ANO2: variants seen among roughly 807,000 people sequenced by gnomAD.
The protein encoded by ANO2 is anoctamin 2.
ANO2 carries 101 observed loss-of-function variants against 124.2 expected under a neutral mutation model. The observed-to-expected ratio is 0.81, with a 90% CI of 0.69 to 0.96. The LOEUF (loss-of-function observed/expected upper bound fraction) is 0.96. ANO2 is among the 40% of genes least tolerant of loss of function. The pLI is 0.00. For missense variants in ANO2, 1,293 were observed against 1,274.5 expected (o/e 1.01, Z -0.22); for synonymous variants, 486 against 482.5 (o/e 1.01, Z -0.09).
intron 7 of ANO2, among the ~76,000 whole-genome samples, chr12:5,818,015 A>C (rs1232239162): frequency 1.3e-5 from 2 of 152,204 alleles, no homozygotes; most frequent in Non-Finnish European, 2.9e-5. Flanking sequence ...AGGTGCAGTA[A>C]AGAAGGCTTG....
At chr12:5,692,130 G>A (rs892777202) in intron 14 of ANO2, among the ~76,000 whole-genome samples, 43 of 152,306 alleles carry the variant, frequency 2.8e-4, no homozygotes, top group African/African-American at 1.0e-3. Context: ...ACAGCAGGCA[G>A]GCGGATGATG....
intron 16 of ANO2, among the ~76,000 whole-genome samples, chr12:5,630,153 G>A (rs544794915): frequency 1.3e-5 from 2 of 152,302 alleles, no homozygotes; most frequent in African/African-American, 4.8e-5. Flanking sequence ...ACTTACTGGG[G>A]TTATTGACAC....
At chr12:5,868,255 G>T (rs1955483080) in intron 3 of ANO2, among the ~76,000 whole-genome samples, 1 of 152,080 alleles carries the variant, frequency 6.6e-6, no homozygotes, top group African/African-American at 2.4e-5. Flanking sequence ...CATTAGCTTA[G>T]AGTGTTCTGG....
In ANO2 at chr12:5,827,802, G is replaced by A. The variant is rs1214934107; in HGVS notation, c.859C>T (p.Arg287Cys). The A allele has an allele frequency of 5.6e-6, 9 of 1,611,388 alleles. No homozygotes were observed. In the African/African-American group the frequency reaches 1.1e-4, roughly 19 times the overall value. ...RSRIVHEILKRTACSRANNTM... is the reference protein window; with the variant it reads ...RSRIVHEILKCTACSRANNTM... ...TTGTTGGCTCGGGAGCAGGCTGTGC[G>A]CTTCAGGATCTCGTGCACCTAAAAG... Residue 287 changes from arginine to cysteine, a missense_variant, in exon 7 of 25, where the codon CGC (arginine) becomes TGC (cysteine). Coordinates refer to ENST00000682330, the MANE Select transcript of ANO2 (RefSeq NM_001364791.2).
chr12:5,931,313 T>C (rs908063622), intron 1 of ANO2, among the ~76,000 whole-genome samples: 1 of 152,060 alleles, frequency 6.6e-6, no homozygotes, highest in Admixed American at 6.6e-5. Flanking sequence ...CAAATGACCA[T>C]TCTTTGGGAG....
chr12:5,567,336 G>C (rs556529798), intron 23 of ANO2, among the ~76,000 whole-genome samples: 8 of 152,358 alleles, frequency 5.3e-5, no homozygotes, highest in African/African-American at 1.9e-4. Context: ...CAGAGAGGGA[G>C]AGCGTGGCTA....
intron 14 of ANO2, among the ~76,000 whole-genome samples, chr12:5,661,311 C>T (rs1947428472): frequency 6.6e-6 from 1 of 152,196 alleles, no homozygotes; most frequent in African/African-American, 2.4e-5. Flanking sequence ...GAGAACGGAA[C>T]CTTAGAGCAT....
At chr12:5,794,223 C>T (rs927297416) in intron 10 of ANO2, among the ~76,000 whole-genome samples, 6 of 152,288 alleles carry the variant, frequency 3.9e-5, no homozygotes, top group Admixed American at 3.3e-4. Context: ...GTGCAAATGC[C>T]ATGGTGCTGA....
intron 10 of ANO2, among the ~76,000 whole-genome samples, chr12:5,751,272 C>T (rs1312907256): frequency 6.6e-6 from 1 of 152,206 alleles, no homozygotes; most frequent in African/African-American, 2.4e-5. Context: ...AAATATGCCA[C>T]ACATTTTGGC....
intron 14 of ANO2, among the ~76,000 whole-genome samples, chr12:5,707,211 TC>T (rs1358568474): frequency 1.3e-5 from 2 of 152,082 alleles, no homozygotes; most frequent in East Asian, 3.9e-4. Context: ...GCACTCTCTC[TC>T]TCTCCTGCCG....
intron 10 of ANO2, among the ~76,000 whole-genome samples, chr12:5,788,447 A>G (rs1386652721): frequency 6.6e-6 from 1 of 152,268 alleles, no homozygotes; most frequent in East Asian, 1.9e-4. Context: ...CCATCAGTCC[A>G]TATCTATCTC....
chr12:5,910,825 A>G (rs1049416954), intron 3 of ANO2, among the ~76,000 whole-genome samples: 33 of 152,168 alleles, frequency 2.2e-4, no homozygotes, highest in African/African-American at 7.7e-4. Flanking sequence ...GCCCAGATAT[A>G]ACCATTCTGT....
chr12:5,662,808 T>G (rs1947514923), intron 14 of ANO2, among the ~76,000 whole-genome samples: 1 of 152,198 alleles, frequency 6.6e-6, no homozygotes. Context: ...TAGTTCTTCT[T>G]CTTTATTAAA....
At position 5,563,469 on chromosome 12, in the gene ANO2, C is replaced by A; in HGVS notation, c.2827G>T (p.Asp943Tyr). The A allele has an allele frequency of 1.2e-6, 2 of 1,613,940 alleles. No individual in the cohort carries two copies. The highest frequency in any genetic ancestry group is 1.1e-5 in the South Asian group (1 of 91,082). Residue 943 changes from aspartate to tyrosine, a missense_variant, in exon 25 of 25, where the codon GAT (aspartate) becomes TAT (tyrosine). Coordinates refer to ENST00000682330, the MANE Select transcript of ANO2 (RefSeq NM_001364791.2). ...TCATGCTCCTCTTTCAGGAAGAAAT[C>A]CACTAATAAGCTCTTCTCTTTCTTG... ...QIKKEKSLLVDFFLKEEHEKL... is the reference protein window; with the variant it reads ...QIKKEKSLLVYFFLKEEHEKL...
At chr12:5,692,754 A>G (rs1948997459) in intron 14 of ANO2, among the ~76,000 whole-genome samples, 1 of 152,166 alleles carries the variant, frequency 6.6e-6, no homozygotes. Flanking sequence ...GATGGCACGA[A>G]GCTGTCCCCT....
At chr12:5,827,724 G>C (rs1392614873) in intron 7 of ANO2, 45 bp downstream of exon 7, 29 of 1,586,506 alleles carry the variant, frequency 1.8e-5, no homozygotes, top group Non-Finnish European at 2.5e-5. Context: ...GGCGGGAGCC[G>C]CCTCAGCGCC....
intron 3 of ANO2, among the ~76,000 whole-genome samples, chr12:5,879,766 G>A (rs1008636306): frequency 3.3e-5 from 5 of 152,196 alleles, no homozygotes; most frequent in African/African-American, 1.2e-4. Flanking sequence ...AGCCTAGGGT[G>A]TGCATTTGGG....
At chr12:5,851,414 G>A (rs1406090333) in intron 4 of ANO2, among the ~76,000 whole-genome samples, 4 of 152,182 alleles carry the variant, frequency 2.6e-5, no homozygotes, top group Admixed American at 2.0e-4. Flanking sequence ...CTGGCTGGGT[G>A]TGGTGGCTCA....
intron 3 of ANO2, among the ~76,000 whole-genome samples, chr12:5,912,888 G>A (rs1443663584): frequency 1.3e-5 from 2 of 152,196 alleles, no homozygotes; most frequent in South Asian, 2.1e-4. Flanking sequence ...GCATGGCAGC[G>A]TCACGAATAA....
Sources: gnomAD v4.1 joint callset for allele counts (sites outside exome capture counted in the v4.1 genomes callset) on GRCh38, gnomAD v4.1.1 for gene constraint, MANE v1.5 for transcripts, NCBI Gene and HGNC (gene_info 2026-07-23, HGNC 2026-07-21) for gene names.